DOCK5: variants seen among roughly 807,000 people sequenced by gnomAD.
DOCK5 encodes the protein dedicator of cytokinesis protein 5.
Under a neutral mutation model 251.8 loss-of-function variants are expected in DOCK5, and 142 were observed. The observed-to-expected ratio is 0.56, with a 90% CI of 0.49 to 0.65. The LOEUF is 0.65. Among genes scored for constraint, DOCK5 ranks in the 30% least tolerant of loss-of-function variants. The pLI is 0.00. For missense variants in DOCK5, 2,111 were observed against 2,312.3 expected, an observed-to-expected ratio of 0.91 and a Z score of 1.79; for synonymous variants, 842 against 835.5, an observed-to-expected ratio of 1.01 and a Z score of -0.13.
chr8:25,309,018 T>C, intron 12 of DOCK5, 93 bp downstream of exon 12: 1 of 1,487,394 alleles, frequency 6.7e-7, no homozygotes, highest in East Asian at 2.3e-5. Flanking sequence ...ATTATCTTTC[T>C]CTGATACAAA....
intron 6 of DOCK5, among the ~76,000 whole-genome samples, chr8:25,292,388 G>A (rs1283326976): frequency 6.6e-6 from 1 of 152,074 alleles, no homozygotes; most frequent in Non-Finnish European, 1.5e-5. Flanking sequence ...ATCCCATGGA[G>A]GTGACAGATG....
chr8:25,314,595 C>T (rs1337377073), intron 13 of DOCK5, among the ~76,000 whole-genome samples: 2 of 140,342 alleles, frequency 1.4e-5, no homozygotes, highest in Non-Finnish European at 3.1e-5. Context: ...ATCCACCCAC[C>T]CATCCACCTA....
intron 27 of DOCK5, among the ~76,000 whole-genome samples, chr8:25,353,874 GT>G (rs1250276140): frequency 6.6e-6 from 1 of 151,564 alleles, no homozygotes; most frequent in East Asian, 1.9e-4. Context: ...ATATACAAAA[GT>G]TAGCCAGGTG....
intron 25 of DOCK5, 72 bp from the exon 26 acceptor site, chr8:25,345,403 G>A (rs768269045): frequency 1.3e-6 from 2 of 1,584,086 alleles, no homozygotes; most frequent in African/African-American, 2.7e-5. Flanking sequence ...TCGAGGAAGA[G>A]TTGCAGGAAG....
At chr8:25,251,669 C>T (rs1310262533) in intron 2 of DOCK5, among the ~76,000 whole-genome samples, 1 of 152,030 alleles carries the variant, frequency 6.6e-6, no homozygotes, top group Non-Finnish European at 1.5e-5. Context: ...GCATGTTTGC[C>T]AAAACTTTCT....
rs73562333 is a variant in DOCK5 at position 25,358,764 on chromosome 8, G to C, written c.2851-199G>C. 8.9e-3 allele frequency among the ~76,000 whole-genome samples: 1,349 copies of C among 152,292 alleles called. 13 individuals carry two copies. The highest frequency in any genetic ancestry group is 0.03 in the African/African-American group (1,249 of 41,536). On this transcript the variant is annotated intron_variant, in intron 27 of 51. Transcript: ENST00000276440. ...GCTGTTAATGAGATTTCTTCACTCAGACCTGGAAGGAGGTGGTTTGAAGCA... is the reference window on the plus strand; with the variant it reads ...GCTGTTAATGAGATTTCTTCACTCACACCTGGAAGGAGGTGGTTTGAAGCA...
chr8:25,277,276 C>G (rs982220240), intron 4 of DOCK5: 6 of 153,126 alleles, frequency 3.9e-5, no homozygotes, highest in Non-Finnish European at 8.8e-5. Context: ...TAAATGAGAA[C>G]AGTCTTGTTA....
intron 1 of DOCK5, among the ~76,000 whole-genome samples, chr8:25,214,137 A>T (rs568495526): frequency 6.6e-6 from 1 of 152,152 alleles, no homozygotes; most frequent in Non-Finnish European, 1.5e-5. Context: ...TCACTCTCTC[A>T]TGGCAACGCT....
chr8:25,325,340 T>C, intron 17 of DOCK5, 24 bp from the exon 18 acceptor site: 1 of 1,603,486 alleles, frequency 6.2e-7, no homozygotes, highest in East Asian at 2.2e-5. Context: ...CATCATTTGG[T>C]GTTCCTAACA....
At chr8:25,350,839 T>C (rs1800453958) in intron 26 of DOCK5, among the ~76,000 whole-genome samples, 1 of 152,142 alleles carries the variant, frequency 6.6e-6, no homozygotes, top group Non-Finnish European at 1.5e-5. Flanking sequence ...TAACCTTCAT[T>C]ACATCTCAAG....
intron 1 of DOCK5, among the ~76,000 whole-genome samples, chr8:25,207,976 G>C (rs1422231030): frequency 6.6e-6 from 1 of 152,182 alleles, no homozygotes; most frequent in Non-Finnish European, 1.5e-5. Flanking sequence ...TTCATGGGAG[G>C]AGGTCAAAAT....
At chr8:25,216,172 ATG>A (rs1802243619) in intron 1 of DOCK5, among the ~76,000 whole-genome samples, 1 of 141,696 alleles carries the variant, frequency 7.1e-6, no homozygotes, top group Non-Finnish European at 1.5e-5. Context: ...TGTATACAAT[ATG>A]TGCATACAAT....
Position 25,345,371 on chromosome 8 carries a change from A to G in DOCK5, c.2618-104A>G. The G allele has an allele frequency of 2.0e-6, 3 of 1,505,278 alleles. No individual in the cohort carries two copies. In the South Asian group the frequency reaches 3.8e-5, roughly 19 times the overall value. 93.2% of individuals were successfully genotyped at this position (1,505,278 alleles called of 1,614,324 possible). ...TGCATCCCTGCAGGGCTGATTGCAG[A>G]GCTTAGAGCTACTGGTACTGGTCGA... On this transcript the variant is annotated intron_variant, in intron 25 of 51. Coordinates refer to ENST00000276440, the MANE Select transcript of DOCK5 (RefSeq NM_024940.8).
intron 45 of DOCK5, among the ~76,000 whole-genome samples, chr8:25,397,220 TAA>T (rs879776665): frequency 2.1e-5 from 3 of 140,072 alleles, no homozygotes; most frequent in East Asian, 2.1e-4. Flanking sequence ...ACACTCCGTC[TAA>T]AAAAAAAAAA....
intron 2 of DOCK5, among the ~76,000 whole-genome samples, chr8:25,251,884 G>C (rs1803280398): frequency 6.6e-6 from 1 of 152,048 alleles, no homozygotes; most frequent in Non-Finnish European, 1.5e-5. Flanking sequence ...AGCTACTTAG[G>C]AGACTGAGGC....
intron 4 of DOCK5, 142 bp from the exon 5 acceptor site, chr8:25,278,427 C>T (rs926500091): frequency 1.1e-5 from 8 of 706,330 alleles, no homozygotes; most frequent in East Asian, 8.2e-5. Context: ...TGCTTGGATG[C>T]GATAAAGTCC....
intron 28 of DOCK5, 94 bp from the exon 29 acceptor site, chr8:25,362,953 T>C (rs1223884161): frequency 3.4e-6 from 3 of 878,298 alleles, no homozygotes; most frequent in Admixed American, 1.9e-5. Flanking sequence ...AGGAACATCC[T>C]GTTCTGAGGT....
chr8:25,243,528 A>C (rs1307643941), intron 1 of DOCK5, 146 bp from the exon 2 acceptor site: 1 of 580,872 alleles, frequency 1.7e-6, no homozygotes, highest in Non-Finnish European at 3.0e-6. Context: ...ATGGGGTTTC[A>C]CCATCTTGGC....
chr8:25,307,190 G>A (rs375936781), intron 11 of DOCK5, among the ~76,000 whole-genome samples: 5 of 151,414 alleles, frequency 3.3e-5, no homozygotes, highest in Admixed American at 6.6e-5. Flanking sequence ...CGTGATCTCC[G>A]CTCACTGCAA....
Sources: allele counts gnomAD v4.1 joint callset (sites outside exome capture counted in the v4.1 genomes callset), GRCh38; gene constraint gnomAD v4.1.1; transcripts MANE v1.5; gene names NCBI Gene and HGNC (gene_info 2026-07-23, HGNC 2026-07-21).